DYNLL1: variants seen among roughly 807,000 people sequenced by gnomAD.
DYNLL1 encodes dynein light chain LC8-type 1, also known as dynein light chain 1, cytoplasmic.
DYNLL1 carries 3 observed loss-of-function variants against 10.1 expected under a neutral mutation model. The ratio of observed to expected loss-of-function variants is 0.30; its 90% confidence interval spans 0.14 to 0.77. The LOEUF (loss-of-function observed/expected upper bound fraction) is 0.77. Among genes scored for constraint, DYNLL1 ranks in the 30% least tolerant of loss-of-function variants. DYNLL1 has a pLI of 0.66. For synonymous variants in DYNLL1, 46 were observed against 41.2 expected (o/e 1.12, Z -0.45); for missense variants, 47 against 111.7 (o/e 0.42, Z 2.61).
intron 1 of DYNLL1, among the ~76,000 whole-genome samples, chr12:120,480,746 C>T (rs1878861690): frequency 6.6e-6 from 1 of 151,868 alleles, no homozygotes; most frequent in Non-Finnish European, 1.5e-5. Flanking sequence ...GCCTTTTGTT[C>T]CACCTCAAAG....
intron 1 of DYNLL1, among the ~76,000 whole-genome samples, chr12:120,487,354 G>A (rs1438211609): frequency 3.2e-5 from 4 of 124,880 alleles, no homozygotes; most frequent in Admixed American, 9.8e-5. Context: ...GTGCAGTGGC[G>A]CGATCTCGGC....
chr12:120,496,708 C>G, intron 2 of DYNLL1, 155 bp downstream of exon 2: 1 of 1,231,168 alleles, frequency 8.1e-7, no homozygotes, highest in South Asian at 1.4e-5. Flanking sequence ...ATTTTGCGCT[C>G]CTGTGGAGAA....
intron 1 of DYNLL1, among the ~76,000 whole-genome samples, chr12:120,479,449 C>CAAAAAAAAAAAAAAAAAAAAAAAAAA (rs71076617): frequency 2.6e-5 from 2 of 76,112 alleles, no homozygotes; most frequent in East Asian, 3.0e-4. Flanking sequence ...ACTCCGTCTC[C>CAAAAAAAAAAAAAAAAAAAAAAAAAA]AAAAAAAAAA....
intron 1 of DYNLL1, among the ~76,000 whole-genome samples, chr12:120,482,178 A>G (rs1336757306): frequency 6.6e-6 from 1 of 152,198 alleles, no homozygotes; most frequent in Non-Finnish European, 1.5e-5. Flanking sequence ...TCAGTTGCAC[A>G]CTTGGGAGCT....
At chr12:120,489,851 A>G (rs529083695) in intron 1 of DYNLL1, among the ~76,000 whole-genome samples, 43 of 152,170 alleles carry the variant, frequency 2.8e-4, no homozygotes, top group Non-Finnish European at 5.0e-4. Context: ...AGGTTCAAGC[A>G]ATTCTCCTGC....
upstream of DYNLL1, among the ~76,000 whole-genome samples, chr12:120,492,571 A>T (rs571237423): frequency 3.6e-4 from 55 of 152,322 alleles, no homozygotes; most frequent in Middle Eastern, 3.4e-3. This position sits in a 1 kb window ranked among gnomAD's most constrained non-coding sequence, Gnocchi z 4.1. Flanking sequence ...CGTCTCAAAA[A>T]AAATAAATAA....
At chr12:120,483,665 G>A (rs1196119298) in intron 1 of DYNLL1, among the ~76,000 whole-genome samples, 7 of 152,134 alleles carry the variant, frequency 4.6e-5, no homozygotes, top group Non-Finnish European at 1.0e-4. Context: ...TGGGCATTCA[G>A]GGGCAAAGTT....
chr12:120,477,751 G>A (rs1878787224), intron 1 of DYNLL1, among the ~76,000 whole-genome samples: 1 of 151,888 alleles, frequency 6.6e-6, no homozygotes, highest in Admixed American at 6.6e-5. Flanking sequence ...CTCCAGCCTG[G>A]GTGACAGAGC....
chr12:120,481,633 C>T (rs1409309022), intron 1 of DYNLL1, among the ~76,000 whole-genome samples: 1 of 152,196 alleles, frequency 6.6e-6, no homozygotes, highest in Non-Finnish European at 1.5e-5. Flanking sequence ...TCCATGTCCT[C>T]TCCAGGTGCA....
At chr12:120,479,265 C>T (rs1324913523) in intron 1 of DYNLL1, among the ~76,000 whole-genome samples, 1 of 147,816 alleles carries the variant, frequency 6.8e-6, no homozygotes, top group East Asian at 2.0e-4. Flanking sequence ...AGTTCGAGAC[C>T]AACATGGAGA....
At chr12:120,496,348 G>A (rs1868397959) in intron 1 of DYNLL1, 68 bp from the exon 2 acceptor site, 3 of 1,599,092 alleles carry the variant, frequency 1.9e-6, no homozygotes, top group African/African-American at 1.3e-5. Flanking sequence ...CGCCGGCCGG[G>A]GTGGGGGCAG....
intron 1 of DYNLL1, among the ~76,000 whole-genome samples, chr12:120,484,606 G>C (rs180842707): frequency 1.0e-3 from 157 of 152,194 alleles, no homozygotes; most frequent in African/African-American, 3.4e-3. Context: ...TATTACTTCT[G>C]AAAGTAGAAT....
intron 1 of DYNLL1, among the ~76,000 whole-genome samples, chr12:120,476,587 G>C (rs920344719): frequency 6.6e-6 from 1 of 152,182 alleles, no homozygotes; most frequent in South Asian, 2.1e-4. Flanking sequence ...GAAGGTGCTA[G>C]AAGGACAGCG....
intron 1 of DYNLL1, among the ~76,000 whole-genome samples, chr12:120,471,549 G>A (rs1878651521): frequency 6.6e-6 from 1 of 152,134 alleles, no homozygotes; most frequent in Admixed American, 6.6e-5. Context: ...CAAGTTGATA[G>A]TATACATCAG....
At chr12:120,481,205 G>A (rs187056794) in intron 1 of DYNLL1, among the ~76,000 whole-genome samples, 4 of 152,084 alleles carry the variant, frequency 2.6e-5, no homozygotes, top group East Asian at 1.9e-4. Flanking sequence ...TGTGTGGTGC[G>A]GTCTTTATCT....
upstream of DYNLL1, chr12:120,495,436 T>G (rs1317129651): frequency 6.6e-6 from 1 of 151,974 alleles, no homozygotes; most frequent in Non-Finnish European, 1.5e-5. Context: ...ATCCCTTAAT[T>G]CGTAAGGAAA....
At chr12:120,477,602 A>G (rs979240328) in intron 1 of DYNLL1, among the ~76,000 whole-genome samples, 1 of 151,754 alleles carries the variant, frequency 6.6e-6, no homozygotes, top group East Asian at 1.9e-4. Flanking sequence ...AAATAAATAA[A>G]TAAAAATAAA....
At chr12:120,494,851 T>G (rs1879226241), upstream of DYNLL1, among the ~76,000 whole-genome samples, 1 of 152,192 alleles carries the variant, frequency 6.6e-6, no homozygotes, top group Non-Finnish European at 1.5e-5. Flanking sequence ...CCTGATAACT[T>G]ATTTATGGAG....
At chr12:120,483,111 G>A (rs539574653) in intron 1 of DYNLL1, among the ~76,000 whole-genome samples, 8 of 152,056 alleles carry the variant, frequency 5.3e-5, no homozygotes, top group Admixed American at 2.0e-4. Context: ...AGTCTGAGGC[G>A]GGTGGATCAC....
Sources: gnomAD v4.1 joint callset for allele counts (sites outside exome capture counted in the v4.1 genomes callset) on GRCh38, gnomAD v4.1.1 for gene constraint, Gnocchi (gnomAD v3.1) non-coding constraint, MANE v1.5 for transcripts, NCBI Gene and HGNC (gene_info 2026-07-23, HGNC 2026-07-21) for gene names.